GABRB3: variants seen among roughly 807,000 people sequenced by gnomAD.
The protein encoded by GABRB3 is gamma-aminobutyric acid type A receptor subunit beta3.
In GABRB3, 14 loss-of-function variants were observed where a neutral mutation model predicts 52.1. The observed-to-expected ratio is 0.27, with a 90% confidence interval of 0.18 to 0.42. GABRB3 has a LOEUF of 0.42. Ranked by LOEUF, GABRB3 falls within the 10% of genes least tolerant of loss-of-function variation. GABRB3 has a pLI of 1.00. For missense variants in GABRB3, 307 were observed against 609.1 expected, an observed-to-expected ratio of 0.50 and a Z score of 5.22; for synonymous variants, 260 against 232.3, an observed-to-expected ratio of 1.12 and a Z score of -1.08.
intron 3 of GABRB3, among the ~76,000 whole-genome samples, chr15:26,755,224 C>A (rs1237649076): frequency 6.6e-6 from 1 of 152,016 alleles, no homozygotes; most frequent in African/African-American, 2.4e-5. Flanking sequence ...CCAGGATGGT[C>A]TCGATCTCCT....
chr15:26,714,841 A>G (rs757090360), intron 3 of GABRB3, among the ~76,000 whole-genome samples: 9 of 152,184 alleles, frequency 5.9e-5, no homozygotes, highest in African/African-American at 9.7e-5. Context: ...GACTGTCTCA[A>G]TGAACAGCAG....
chr15:26,754,573 T>C (rs79750622), intron 3 of GABRB3, among the ~76,000 whole-genome samples: 1,930 of 152,336 alleles, frequency 0.013, 23 homozygotes, highest in African/African-American at 0.022. Flanking sequence ...TCTGCATCAG[T>C]AGACCAAACT....
chr15:26,576,861 G>A (rs1402379455), intron 6 of GABRB3, among the ~76,000 whole-genome samples: 1 of 152,084 alleles, frequency 6.6e-6, no homozygotes, highest in Non-Finnish European at 1.5e-5. Flanking sequence ...AAACCAGACG[G>A]ACTTATGCGT....
chr15:26,599,095 C>G (rs12912641), intron 4 of GABRB3, among the ~76,000 whole-genome samples: 1 of 152,090 alleles, frequency 6.6e-6, no homozygotes, highest in East Asian at 1.9e-4. Flanking sequence ...AAAAAGCCTG[C>G]GCAATGACCT....
intron 3 of GABRB3, chr15:26,624,468 G>C (rs140501310): frequency 1.0e-6 from 1 of 985,378 alleles, no homozygotes; most frequent in Non-Finnish European, 1.2e-6. Context: ...AGAAGGGAGA[G>C]AACTTGTCAG....
chr15:26,581,808 T>A (rs1263558945), intron 5 of GABRB3, among the ~76,000 whole-genome samples: 3 of 152,258 alleles, frequency 2.0e-5, no homozygotes. Context: ...TATGCTTTTA[T>A]CAGACTTTAC....
chr15:26,752,229 T>TTTTATTTATTTA (rs3078706), intron 3 of GABRB3, among the ~76,000 whole-genome samples: 3 of 140,326 alleles, frequency 2.1e-5, no homozygotes, highest in Admixed American at 7.2e-5. Flanking sequence ...GCTCTCTTTA[T>TTTTATTTATTTA]TTTATTTATT....
chr15:26,710,024 T>A (rs755300058), intron 3 of GABRB3, among the ~76,000 whole-genome samples: 7 of 152,196 alleles, frequency 4.6e-5, no homozygotes, highest in Non-Finnish European at 1.0e-4. Context: ...CTTATATAAA[T>A]GGAATCATAG....
In GABRB3 at chr15:26,680,068, A is replaced by T. The variant is rs190155696; in HGVS notation, c.241-58534T>A. Among the ~76,000 whole-genome samples the T allele has an allele frequency of 5.9e-5, 9 of 152,330 alleles. No individual in the cohort carries two copies. The East Asian group carries it at 1.7e-3, about 29-fold the overall frequency. ...ATTTTTCAGATGGGATTAACAGTTA[A>T]ATCAATAGATTTTGAGTAAGGCAGA... On this transcript the variant is annotated intron_variant, in intron 3 of 8. Coordinates refer to ENST00000311550, the MANE Select transcript of GABRB3 (RefSeq NM_000814.6).
At chr15:26,664,705 T>TG (rs1491255189) in intron 3 of GABRB3, among the ~76,000 whole-genome samples, 1 of 10,002 alleles carries the variant, frequency 1.0e-4, no homozygotes, top group Non-Finnish European at 2.8e-4. Flanking sequence ...CTTTTCTTTG[T>TG]TTTTTTTTTT....
intron 3 of GABRB3, among the ~76,000 whole-genome samples, chr15:26,623,413 G>A (rs1892562828): frequency 6.6e-6 from 1 of 152,172 alleles, no homozygotes; most frequent in African/African-American, 2.4e-5. Context: ...CTGCGACCCT[G>A]TGGACCTTGG....
In GABRB3 at chr15:26,616,568, A is replaced by T. The variant is rs546372694; in HGVS notation, c.461+4746T>A. 8.4e-4 allele frequency among the ~76,000 whole-genome samples: 127 copies of T among 152,058 alleles called. No homozygotes were observed. In the Middle Eastern group the frequency reaches 0.01, roughly 12 times the overall value. ...AGTGTTTCAAAAATCTGATGCTCTA[A>T]ATAAAGAGCTAAGGAGTATACCTAT... On this transcript the variant is annotated intron_variant, in intron 4 of 8. Coordinates refer to ENST00000311550, the MANE Select transcript of GABRB3 (RefSeq NM_000814.6).
At chr15:26,556,042 C>T (rs915184327) in intron 8 of GABRB3, among the ~76,000 whole-genome samples, 7 of 152,032 alleles carry the variant, frequency 4.6e-5, no homozygotes, top group South Asian at 2.1e-4. Flanking sequence ...TAGAAAGAAG[C>T]GATTGTGGGT....
chr15:26,746,485 G>T (rs187516909), intron 3 of GABRB3, among the ~76,000 whole-genome samples: 2 of 151,612 alleles, frequency 1.3e-5, no homozygotes, highest in African/African-American at 4.8e-5. Context: ...CATGCTTTTG[G>T]TGTTAAATTT....
chr15:26,673,116 C>T (rs1306011632), intron 3 of GABRB3, among the ~76,000 whole-genome samples: 2 of 152,132 alleles, frequency 1.3e-5, no homozygotes, highest in Non-Finnish European at 2.9e-5. Flanking sequence ...TCCAAACAAG[C>T]CGGGCACAGA....
intron 3 of GABRB3, among the ~76,000 whole-genome samples, chr15:26,742,689 C>T (rs17114399): frequency 0.019 from 2,961 of 152,280 alleles, 105 homozygotes; most frequent in African/African-American, 0.068. Flanking sequence ...CTTGCTGTGA[C>T]TGACCTGCCC....
At chr15:26,740,589 A>C (rs562995978) in intron 3 of GABRB3, among the ~76,000 whole-genome samples, 10 of 152,244 alleles carry the variant, frequency 6.6e-5, no homozygotes, top group African/African-American at 2.4e-4. Context: ...CCAAGGGACC[A>C]GGACAACCTC....
chr15:26,651,357 CAAG>C (rs139981007), intron 3 of GABRB3, among the ~76,000 whole-genome samples: 45 of 152,306 alleles, frequency 3.0e-4, no homozygotes, highest in African/African-American at 1.0e-3. Flanking sequence ...GCAAAGGGGC[CAAG>C]AAGAATACTG....
intron 3 of GABRB3, among the ~76,000 whole-genome samples, chr15:26,641,709 GC>G (rs1893206743): frequency 6.6e-6 from 1 of 152,148 alleles, no homozygotes; most frequent in Non-Finnish European, 1.5e-5. Flanking sequence ...ATGGCCAGAT[GC>G]CCCTTGGCTT....
Sources: gnomAD v4.1 joint callset for allele counts (sites outside exome capture counted in the v4.1 genomes callset) on GRCh38, gnomAD v4.1.1 for gene constraint, MANE v1.5 for transcripts, NCBI Gene and HGNC (gene_info 2026-07-23, HGNC 2026-07-21) for gene names.